TOGARAM2: variants seen among roughly 807,000 people sequenced by gnomAD.
TOGARAM2 encodes TOG array regulator of axonemal microtubules protein 2.
Under a neutral mutation model 93.3 loss-of-function variants are expected in TOGARAM2, and 85 were observed. The ratio of observed to expected loss-of-function variants is 0.91; its 90% CI spans 0.76 to 1.09. TOGARAM2 has a LOEUF of 1.09. Ranked by LOEUF, TOGARAM2 falls within the 50% of genes least tolerant of loss-of-function variation. The pLI is 0.00. For synonymous variants in TOGARAM2, 593 were observed against 552.8 expected, an observed-to-expected ratio of 1.07 and a Z score of -1.02; for missense variants, 1,277 against 1,334.5, an observed-to-expected ratio of 0.96 and a Z score of 0.67.
rs572087189 is a variant in TOGARAM2, at chr2:29,026,919, C to T, written c.1920C>T (p.Gly640=). 40 of 1,585,890 alleles carry T rather than the reference C, an allele frequency of 2.5e-5. No homozygotes were observed. The highest frequency in any genetic ancestry group is 1.7e-4 in the Middle Eastern group (1 of 6,030). Residue 640 remains glycine, a synonymous_variant, in exon 14 of 20, where the codon GGC becomes GGT. Transcript: ENST00000379558. ...EHLSAVLEQI[G]AEKLLSGTRD... is the part of the protein sequence containing the mutation. ...TCTCAGCTGTGCTGGAGCAGATCGG[C>T]GCTGAGAAGCTTCTCTCGGGCACCA...
chr2:29,027,916 T>C (rs944389694), intron 14 of TOGARAM2, among the ~76,000 whole-genome samples: 6 of 145,260 alleles, frequency 4.1e-5, no homozygotes, highest in African/African-American at 1.5e-4. Flanking sequence ...GGGGTGGGGG[T>C]GAGGGTGGGC....
At position 29,026,902 on chromosome 2, in the gene TOGARAM2, G is replaced by C. The variant is rs771502029; in HGVS notation, c.1903G>C (p.Val635Leu). 1.2e-5 allele frequency: 19 copies of C among 1,592,844 alleles called. No homozygotes were observed. Among genetic ancestry groups the C allele is most frequent in the Admixed American group, 7.0e-5 (4 of 57,190 alleles). The change falls in exon 14 of 20, where the codon GTG becomes CTG. Residue 635 changes from valine (V) to leucine (L), a missense_variant. By Grantham distance (32) the Val-to-Leu change is conservative. Transcript: ENST00000379558. Reference sequence around the variant, plus strand: ...ATACGCGGCTGAGCACCTCTCAGCTGTGCTGGAGCAGATCGGCGCTGAGAA... The same window carrying C: ...ATACGCGGCTGAGCACCTCTCAGCTCTGCTGGAGCAGATCGGCGCTGAGAA... ...RKYAAEHLSA[V>L]LEQIGAEKLL...
At chr2:29,006,825 C>G (rs1663906729) in intron 6 of TOGARAM2, among the ~76,000 whole-genome samples, 1 of 152,170 alleles carries the variant, frequency 6.6e-6, no homozygotes, top group Non-Finnish European at 1.5e-5. Flanking sequence ...ACACGTCCTC[C>G]CCTTTCCCAC....
chr2:28,994,104 T>A (rs1222240330), intron 1 of TOGARAM2, among the ~76,000 whole-genome samples: 1 of 152,002 alleles, frequency 6.6e-6, no homozygotes, highest in African/African-American at 2.4e-5. Context: ...TAAAATGAAG[T>A]TAGGTCAAGG....
At chr2:29,039,050 C>T (rs938222449) in intron 18 of TOGARAM2, among the ~76,000 whole-genome samples, 2 of 152,102 alleles carry the variant, frequency 1.3e-5, no homozygotes, top group East Asian at 1.9e-4. Context: ...CTAAATTTCC[C>T]GCTGTCCCAG....
chr2:29,008,354 TTG>T (rs1664013312), intron 6 of TOGARAM2, among the ~76,000 whole-genome samples: 4 of 152,162 alleles, frequency 2.6e-5, no homozygotes, highest in Non-Finnish European at 5.9e-5. Flanking sequence ...TTTCATCACA[TTG>T]GTTAGGCTGG....
At chr2:29,006,329 C>CAT (rs1491119210) in intron 6 of TOGARAM2, among the ~76,000 whole-genome samples, 1 of 138,300 alleles carries the variant, frequency 7.2e-6, no homozygotes, top group African/African-American at 3.0e-5. Flanking sequence ...GGAGTGTGTG[C>CAT]ATGTGTGTGT....
At chr2:29,045,482 C>A in intron 19 of TOGARAM2, 72 bp downstream of exon 19, 3 of 1,330,232 alleles carry the variant, frequency 2.3e-6, no homozygotes, top group Non-Finnish European at 3.2e-6. Context: ...GTGGTTGAAC[C>A]ATTCACCCAG....
chr2:29,043,456 G>T (rs1324416501), intron 18 of TOGARAM2, among the ~76,000 whole-genome samples: 1 of 152,170 alleles, frequency 6.6e-6, no homozygotes, highest in Admixed American at 6.5e-5. Flanking sequence ...TGGAAAAAGT[G>T]AGACTGGAAA....
At position 29,051,776 on chromosome 2, in the gene TOGARAM2, C is replaced by T; in HGVS notation, c.2743C>T (p.Pro915Ser). 6.6e-7 allele frequency: 1 copy of T among 1,522,272 alleles called. No individual in the cohort carries two copies. Among genetic ancestry groups the T allele is most frequent in the Non-Finnish European group, 8.9e-7 (1 of 1,127,336 alleles). 94.3% of individuals were successfully genotyped at this position (1,522,272 alleles called of 1,614,324 possible). Residue 915 changes from proline (P) to serine (S), a missense_variant, in exon 20 of 20, where the codon CCC becomes TCC. Pro to Ser is a moderately conservative substitution (Grantham distance 74). Coordinates refer to ENST00000379558, the MANE Select transcript of TOGARAM2 (RefSeq NM_199280.4). The part of the protein sequence containing the change: ...RLAVLVASVY[P>S]RKPQAVERHV... Reference sequence around the variant, plus strand: ...GACAGTGCTGGTGGCCTCAGTTTACCCCCGGAAGCCTCAAGCTGTAGAGCG... The same window carrying T: ...GACAGTGCTGGTGGCCTCAGTTTACTCCCGGAAGCCTCAAGCTGTAGAGCG...
intron 10 of TOGARAM2, among the ~76,000 whole-genome samples, chr2:29,019,966 C>A (rs115843781): frequency 0.012 from 1,791 of 152,304 alleles, 27 homozygotes; most frequent in African/African-American, 0.041. Context: ...GATTTCTCAG[C>A]GAGGCAAATT....
intron 18 of TOGARAM2, among the ~76,000 whole-genome samples, chr2:29,042,441 G>A (rs1666491273): frequency 6.6e-6 from 1 of 152,200 alleles, no homozygotes; most frequent in Non-Finnish European, 1.5e-5. Context: ...CCAGAGGCGG[G>A]AGCCCCTGCT....
chr2:29,023,338 G>A (rs1448313010), intron 12 of TOGARAM2, 147 bp downstream of exon 12: 2 of 652,628 alleles, frequency 3.1e-6, no homozygotes, highest in South Asian at 1.9e-5. Context: ...GTAGGAGGTA[G>A]CCACCCATTT....
chr2:29,034,389 C>A (rs1468717552), intron 16 of TOGARAM2, among the ~76,000 whole-genome samples: 2 of 152,252 alleles, frequency 1.3e-5, no homozygotes, highest in African/African-American at 4.8e-5. Flanking sequence ...GGGTGACAGG[C>A]TGGCCTGTTC....
intron 1 of TOGARAM2, among the ~76,000 whole-genome samples, chr2:28,960,601 A>G (rs897217277): frequency 6.6e-6 from 1 of 152,240 alleles, no homozygotes; most frequent in Non-Finnish European, 1.5e-5. Flanking sequence ...CGAGGAGACC[A>G]GGCCAGTTGT....
upstream of TOGARAM2, among the ~76,000 whole-genome samples, chr2:28,979,458 T>C (rs994047057): frequency 6.6e-6 from 1 of 152,174 alleles, no homozygotes; most frequent in African/African-American, 2.4e-5. Context: ...CAGAATCCAG[T>C]CTGGAATCCA....
intron 6 of TOGARAM2, among the ~76,000 whole-genome samples, chr2:29,009,855 C>A (rs59815992): frequency 5.3e-5 from 8 of 151,962 alleles, no homozygotes; most frequent in Non-Finnish European, 1.2e-4. Context: ...CAGGGTGGGG[C>A]GGGGCTGCCA....
chr2:29,045,438 C>CCAA, intron 19 of TOGARAM2, 28 bp downstream of exon 19: 1 of 1,579,682 alleles, frequency 6.3e-7, no homozygotes, highest in Admixed American at 1.7e-5. Context: ...CACCCCACCC[C>CCAA]ATCTCCTGGC....
Position 29,014,452 on chromosome 2 carries a change from C to A in TOGARAM2, c.935C>A (p.Ala312Asp). 1 of 1,607,536 alleles carries A rather than the reference C, an allele frequency of 6.2e-7. No homozygotes were observed. The highest frequency in any genetic ancestry group is 8.5e-7 in the Non-Finnish European group (1 of 1,177,258). The change falls in exon 8 of 20, where the codon GCC becomes GAC. Residue 312 changes from alanine (A) to aspartate (D), a missense_variant. Physicochemically the swap from Ala to Asp is moderately radical, Grantham distance 126. Transcript: ENST00000379558. Reference protein sequence around the residue: ...RDRPAAAKKPALPFSQSAPTL... With the variant: ...RDRPAAAKKPDLPFSQSAPTL... Reference sequence around the variant, plus strand: ...AGGCCTGCCGCTGCCAAGAAGCCTGCCCTGCCTTTTTCTCAGTCTGCTCCC... The same window carrying A: ...AGGCCTGCCGCTGCCAAGAAGCCTGACCTGCCTTTTTCTCAGTCTGCTCCC...
Sources: gnomAD v4.1 joint callset for allele counts (sites outside exome capture counted in the v4.1 genomes callset) on GRCh38, gnomAD v4.1.1 for gene constraint, MANE v1.5 for transcripts, NCBI Gene and HGNC (gene_info 2026-07-23, HGNC 2026-07-21) for gene names.